TRIP12: variants seen among roughly 807,000 people sequenced by gnomAD.
The protein encoded by TRIP12 is E3 ubiquitin-protein ligase TRIP12.
A neutral mutation model predicts 244.2 loss-of-function variants in TRIP12; 25 were observed. The observed-to-expected ratio is 0.10, with a 90% CI of 0.07 to 0.14. TRIP12 has a LOEUF of 0.14. Among genes scored for constraint, TRIP12 ranks in the 10% least tolerant of loss-of-function variants. The probability of loss-of-function intolerance (pLI) is 1.00; values close to 1 mark genes in which losing one functional copy is unlikely to be tolerated. For missense variants in TRIP12, 1,677 were observed against 2,486.4 expected (o/e 0.67, Z 6.92); for synonymous variants, 905 against 873.1 (o/e 1.04, Z -0.64).
chr2:229,870,248 A>G (rs1009680227), intron 2 of TRIP12, among the ~76,000 whole-genome samples: 1 of 152,222 alleles, frequency 6.6e-6, no homozygotes, highest in African/African-American at 2.4e-5. Context: ...AAATGGTATA[A>G]TCTTTTTAAT....
chr2:229,867,864 T>C (rs2061853499), intron 2 of TRIP12, among the ~76,000 whole-genome samples: 1 of 152,234 alleles, frequency 6.6e-6, no homozygotes, highest in South Asian at 2.1e-4. Flanking sequence ...AGGAAATTAC[T>C]AATAGAAAAC....
intron 38 of TRIP12, 89 bp from the exon 39 acceptor site, chr2:229,771,721 C>T: frequency 1.1e-6 from 1 of 884,074 alleles, no homozygotes. Context: ...AAACACCCTT[C>T]TGGATCACTT....
At chr2:229,770,075 A>C (rs1172051222) in intron 39 of TRIP12, among the ~76,000 whole-genome samples, 3 of 152,112 alleles carry the variant, frequency 2.0e-5, no homozygotes, top group African/African-American at 7.2e-5. Context: ...GGCTCAAGTG[A>C]TCCTCCAACC....
chr2:229,785,694 CAA>C lies in TRIP12; in HGVS notation c.5094+61_5094+62del, dbSNP rs548789552. On this transcript the variant is annotated intron_variant, in intron 34 of 41. Transcript: ENST00000675903. ...CAGAATTTCATAGTACCAAGAAACT[CAA>C]ATAACATTTAATTAAGAGCACAAGT... 217 of 1,470,616 alleles carry C rather than the reference CAA, an allele frequency of 1.5e-4. 1 individual carries two copies. The African/African-American group carries it at 2.7e-3, about 18-fold the overall frequency. 91.1% of individuals were successfully genotyped at this position (1,470,616 alleles called of 1,614,324 possible).
At chr2:229,849,909 G>A (rs949772835) in intron 4 of TRIP12, among the ~76,000 whole-genome samples, 2 of 144,252 alleles carry the variant, frequency 1.4e-5, no homozygotes, top group Non-Finnish European at 3.0e-5. Context: ...TAAATATAAA[G>A]TGAAAATTTT....
chr2:229,833,666 C>T (rs559049478), intron 6 of TRIP12, among the ~76,000 whole-genome samples: 13 of 152,114 alleles, frequency 8.5e-5, no homozygotes, highest in Non-Finnish European at 1.5e-4. Flanking sequence ...TTTTGCCATA[C>T]CTCTGATAGC....
intron 8 of TRIP12, among the ~76,000 whole-genome samples, chr2:229,821,947 C>G (rs1431103635): frequency 6.6e-6 from 1 of 152,170 alleles, no homozygotes; most frequent in East Asian, 1.9e-4. Context: ...TGAGAACAGC[C>G]TGGCCAGCAT....
At chr2:229,905,210 G>A (rs1290037662) in intron 1 of TRIP12, among the ~76,000 whole-genome samples, 3 of 151,458 alleles carry the variant, frequency 2.0e-5, no homozygotes, top group Non-Finnish European at 4.4e-5. Context: ...GGAGGCAGAC[G>A]TTGCGGTGAG....
At chr2:229,786,234 G>C (rs1021945886) in intron 33 of TRIP12, among the ~76,000 whole-genome samples, 2 of 152,108 alleles carry the variant, frequency 1.3e-5, no homozygotes, top group Non-Finnish European at 2.9e-5. Flanking sequence ...GGAGGTGACA[G>C]GTCAAACAGG....
chr2:229,811,178 G>A lies in TRIP12; in HGVS notation c.2013C>T (p.Cys671=). The change falls in exon 14 of 42, where the codon TGC becomes TGT. Residue 671 remains cysteine, a synonymous_variant. Transcript: ENST00000675903. The stretch of plus-strand genomic sequence containing the variant: ...TGTCCACTAGGCGTGCAAAACAAAG[G>A]CAAGTGCTTTCTACTGACTTTTTAT... ...HQDKKSVEST[C]LCFARLVDNF... is the part of the protein sequence containing the mutation. 6.2e-7 allele frequency: 1 copy of A among 1,613,830 alleles called. No homozygotes were observed. The highest frequency in any genetic ancestry group is 8.5e-7 in the Non-Finnish European group (1 of 1,179,932).
chr2:229,773,074 T>A (rs552705419), intron 38 of TRIP12, among the ~76,000 whole-genome samples: 34 of 147,414 alleles, frequency 2.3e-4, no homozygotes, highest in Non-Finnish European at 4.1e-4. Context: ...AATTAATATA[T>A]ACATGCTTTT....
At chr2:229,785,258 C>T (rs2039636526) in intron 34 of TRIP12, among the ~76,000 whole-genome samples, 1 of 152,170 alleles carries the variant, frequency 6.6e-6, no homozygotes, top group Admixed American at 6.5e-5. Flanking sequence ...ACAGAAAACA[C>T]ATCAATGTTT....
At position 229,836,019 on chromosome 2, in the gene TRIP12, C is replaced by A. The variant is rs183599594; in HGVS notation, c.1270+829G>T. On this transcript the variant is annotated intron_variant, in intron 6 of 41. Transcript: ENST00000675903. Reference sequence around the variant, plus strand: ...GAAAAAAATCCTAAGCTAGAAAAAACAAGAAGACATCAATAGCGGGTAAAC... The same window carrying A: ...GAAAAAAATCCTAAGCTAGAAAAAAAAAGAAGACATCAATAGCGGGTAAAC... Among the ~76,000 whole-genome samples, 70 of 152,200 alleles carry A rather than the reference C, an allele frequency of 4.6e-4. 1 individual carries two copies. The East Asian group carries it at 0.013, about 28-fold the overall frequency.
intron 6 of TRIP12, 114 bp downstream of exon 6, chr2:229,836,734 C>T (rs2054918412): frequency 7.8e-7 from 1 of 1,277,568 alleles, no homozygotes; most frequent in Non-Finnish European, 1.0e-6. Flanking sequence ...TAAAGTAAAA[C>T]AAAACAGAAC....
chr2:229,808,192 T>C, intron 16 of TRIP12, 60 bp downstream of exon 16: 2 of 1,258,822 alleles, frequency 1.6e-6, no homozygotes, highest in Non-Finnish European at 2.3e-6. Flanking sequence ...GGTCTCGAAC[T>C]CCTGACCTCG....
chr2:229,898,771 A>T (rs1447833707), intron 1 of TRIP12, among the ~76,000 whole-genome samples: 1 of 152,122 alleles, frequency 6.6e-6, no homozygotes, highest in East Asian at 1.9e-4. Context: ...AGCTCACTAT[A>T]ACCTCCACCT....
chr2:229,842,961 A>C (rs2056802037), intron 4 of TRIP12, among the ~76,000 whole-genome samples: 1 of 152,070 alleles, frequency 6.6e-6, no homozygotes, highest in Non-Finnish European at 1.5e-5. Context: ...TACCCATATA[A>C]CCAGCATCAC....
chr2:229,865,306 C>G (rs2061312141), intron 2 of TRIP12, among the ~76,000 whole-genome samples: 1 of 120,504 alleles, frequency 8.3e-6, no homozygotes. Context: ...GAGTGAGATC[C>G]TCTCTCAACT....
chr2:229,806,116 G>A, intron 17 of TRIP12: 1 of 348,740 alleles, frequency 2.9e-6, no homozygotes, highest in Non-Finnish European at 5.2e-6. Context: ...GGGACCCTTA[G>A]ACATAAATGC....
Sources: allele counts gnomAD v4.1 joint callset (sites outside exome capture counted in the v4.1 genomes callset), GRCh38; gene constraint gnomAD v4.1.1; transcripts MANE v1.5; gene names NCBI Gene and HGNC (gene_info 2026-07-23, HGNC 2026-07-21).